Variants in WWOX observed in about 807,000 individuals in gnomAD.
WWOX encodes WW domain-containing oxidoreductase.
A neutral mutation model predicts 46.2 loss-of-function variants in WWOX; 69 were observed. The ratio of observed to expected loss-of-function variants is 1.49; its 90% CI spans 1.23 to 1.82. The LOEUF is 1.82. WWOX is among the 40% of genes most tolerant of loss of function. The pLI, the probability that WWOX is intolerant of heterozygous loss-of-function variation, is 0.00. For missense variants in WWOX, 919 were observed against 542.6 expected, an observed-to-expected ratio of 1.69 and a Z score of -6.89; for synonymous variants, 359 against 202.6, an observed-to-expected ratio of 1.77 and a Z score of -6.56.
At chr16:79,112,653 G>C (rs770885008) in intron 8 of WWOX, among the ~76,000 whole-genome samples, 1 of 152,154 alleles carries the variant, frequency 6.6e-6, no homozygotes, top group Non-Finnish European at 1.5e-5. Context: ...GAAAGCACTC[G>C]CATGAATGTT....
intron 8 of WWOX, among the ~76,000 whole-genome samples, chr16:78,436,827 G>A (rs1186074651): frequency 6.6e-6 from 1 of 152,212 alleles, no homozygotes; most frequent in Non-Finnish European, 1.5e-5. Context: ...CTGCGTATGT[G>A]GCTCGGCATT....
At chr16:79,101,780 C>T (rs370313520) in intron 8 of WWOX, 6 of 149,858 alleles carry the variant, frequency 4.0e-5, no homozygotes, top group Non-Finnish European at 8.9e-5. Flanking sequence ...TTCCTGCTTT[C>T]ACATCTACTT....
rs1039274322 is a variant in WWOX at position 78,249,055 on chromosome 16, C to T, written c.516+84766C>T. 2.0e-5 allele frequency among the ~76,000 whole-genome samples: 3 copies of T among 151,984 alleles called. No homozygotes were observed. The East Asian group carries it at 5.8e-4, about 29-fold the overall frequency. ...TGTACTTTTAGTAGAGATGGAGTTT[C>T]ACCAGGCCAGACTGGTCTTGATCTC... On this transcript the variant is annotated intron_variant, in intron 5 of 8. Coordinates refer to ENST00000566780, the MANE Select transcript of WWOX (RefSeq NM_016373.4).
At chr16:78,932,882 G>C (rs1185769131) in intron 8 of WWOX, among the ~76,000 whole-genome samples, 1 of 152,184 alleles carries the variant, frequency 6.6e-6, no homozygotes, top group Non-Finnish European at 1.5e-5. Flanking sequence ...CTGGAAGACA[G>C]ATTTAAGTTC....
chr16:78,489,623 C>G (rs867345814), intron 8 of WWOX, among the ~76,000 whole-genome samples: 7 of 152,120 alleles, frequency 4.6e-5, no homozygotes, highest in African/African-American at 1.2e-4. Context: ...CCTTCTAACT[C>G]TATTTCTTTG....
intron 8 of WWOX, among the ~76,000 whole-genome samples, chr16:78,775,641 T>G (rs1408645731): frequency 6.6e-6 from 1 of 152,194 alleles, no homozygotes; most frequent in African/African-American, 2.4e-5. Context: ...GATGAAAATG[T>G]CTTTCTTATA....
chr16:78,978,505 A>C (rs369585073), intron 8 of WWOX, among the ~76,000 whole-genome samples: 2 of 152,188 alleles, frequency 1.3e-5, no homozygotes, highest in Non-Finnish European at 2.9e-5. Flanking sequence ...CTGTCAGTCT[A>C]TTCTGGCACT....
intron 8 of WWOX, among the ~76,000 whole-genome samples, chr16:78,692,062 C>A (rs1359046327): frequency 6.6e-6 from 1 of 152,166 alleles, no homozygotes; most frequent in Non-Finnish European, 1.5e-5. Context: ...CTGAGGCCTC[C>A]CCAGCCATGT....
At chr16:79,011,747 C>A (rs1225816844) in intron 8 of WWOX, among the ~76,000 whole-genome samples, 4 of 152,010 alleles carry the variant, frequency 2.6e-5, no homozygotes, top group Non-Finnish European at 5.9e-5. Context: ...CCTGCTTTGG[C>A]CTCCCAAAGT....
At chr16:79,080,573 G>A (rs554540219) in intron 8 of WWOX, among the ~76,000 whole-genome samples, 4 of 152,296 alleles carry the variant, frequency 2.6e-5, no homozygotes, top group Admixed American at 1.3e-4. Context: ...GTCTAACACT[G>A]AATCTCGAAT....
chr16:78,620,796 C>A (rs1013290580), intron 8 of WWOX, among the ~76,000 whole-genome samples: 2 of 151,974 alleles, frequency 1.3e-5, no homozygotes, highest in Admixed American at 6.5e-5. Context: ...TTATAAATAT[C>A]ACTACTATAA....
chr16:78,940,518 C>T (rs575178859), intron 8 of WWOX, among the ~76,000 whole-genome samples: 26 of 152,222 alleles, frequency 1.7e-4, no homozygotes, highest in African/African-American at 5.8e-4. Context: ...ATTTTTACAT[C>T]ATTTCCATCG....
At chr16:79,064,169 A>G (rs1000662462) in intron 8 of WWOX, among the ~76,000 whole-genome samples, 5 of 152,238 alleles carry the variant, frequency 3.3e-5, no homozygotes, top group Non-Finnish European at 5.9e-5. Flanking sequence ...ATGTGGGTTT[A>G]GATGCAATTT....
In WWOX at chr16:78,244,228, C is replaced by T. The variant is rs191385598; in HGVS notation, c.516+79939C>T. Among the ~76,000 whole-genome samples the T allele has an allele frequency of 7.2e-5, 11 of 152,292 alleles. No individual in the cohort carries two copies. In the East Asian group the frequency reaches 1.3e-3, roughly 19 times the overall value. ...GATGGGGGTTAAATAAAATAATTCT[C>T]GGAGTATGTGAAGCAGTACATGTGA... On this transcript the variant is annotated intron_variant, in intron 5 of 8. Transcript: ENST00000566780.
chr16:78,684,251 T>A (rs907098362), intron 8 of WWOX, among the ~76,000 whole-genome samples: 8 of 152,182 alleles, frequency 5.3e-5, no homozygotes, highest in African/African-American at 1.9e-4. Flanking sequence ...GATTTGCCCT[T>A]GGCTCATGTA....
At chr16:78,697,605 A>C (rs1237995704) in intron 8 of WWOX, among the ~76,000 whole-genome samples, 2 of 152,204 alleles carry the variant, frequency 1.3e-5, no homozygotes, top group Non-Finnish European at 2.9e-5. Flanking sequence ...ATGAATAGAC[A>C]GTTCTCAAAA....
chr16:78,636,543 C>A (rs942495189), intron 8 of WWOX, among the ~76,000 whole-genome samples: 2 of 152,098 alleles, frequency 1.3e-5, no homozygotes, highest in Non-Finnish European at 2.9e-5. Flanking sequence ...GCTGCCCTCC[C>A]CATCCGCCAT....
intron 8 of WWOX, among the ~76,000 whole-genome samples, chr16:79,011,169 A>T (rs899082648): frequency 4.7e-4 from 64 of 136,008 alleles, no homozygotes; most frequent in Non-Finnish European, 1.2e-4. Context: ...ACACACACAC[A>T]CACACTTTTT....
intron 8 of WWOX, among the ~76,000 whole-genome samples, chr16:78,900,079 TC>T (rs745953948): frequency 0.053 from 1,956 of 36,578 alleles, 115 homozygotes; most frequent in African/African-American, 0.2. Context: ...TTTTTTTTTT[TC>T]CTGCAGAGAG....
Sources: allele counts gnomAD v4.1 joint callset (sites outside exome capture counted in the v4.1 genomes callset), GRCh38; gene constraint gnomAD v4.1.1; transcripts MANE v1.5; gene names NCBI Gene and HGNC (gene_info 2026-07-23, HGNC 2026-07-21).